COL6A5: variants seen among roughly 807,000 people sequenced by gnomAD.
COL6A5 encodes the protein collagen type VI alpha 5 chain, also known as collagen alpha-5(VI) chain.
Under a neutral mutation model 65.6 loss-of-function variants are expected in COL6A5, and 48 were observed. The ratio of observed to expected loss-of-function variants is 0.73; its 90% confidence interval spans 0.58 to 0.93. The LOEUF (loss-of-function observed/expected upper bound fraction) is 0.93. Ranked by LOEUF, COL6A5 falls within the 40% of genes least tolerant of loss-of-function variation. The pLI, the probability that COL6A5 is intolerant of heterozygous loss-of-function variation, is 0.00. For missense variants in COL6A5, 914 were observed against 928.3 expected, an observed-to-expected ratio of 0.98 and a Z score of 0.20; for synonymous variants, 291 against 322.8, an observed-to-expected ratio of 0.90 and a Z score of 1.05.
chr3:130,474,347 G>A (rs951103547), intron 7 of COL6A5, among the ~76,000 whole-genome samples: 1 of 152,018 alleles, frequency 6.6e-6, no homozygotes, highest in African/African-American at 2.4e-5. Flanking sequence ...ATTCTACAGA[G>A]AATCATAACA....
chr3:130,393,546 C>T (rs754414088), intron 7 of COL6A5, among the ~76,000 whole-genome samples: 2 of 152,166 alleles, frequency 1.3e-5, no homozygotes, highest in East Asian at 1.9e-4. Context: ...ACAGTCTTTT[C>T]CTATGAATGT....
In COL6A5 at chr3:130,471,665, C is replaced by T. The variant is rs1709955273; in HGVS notation, c.2328+698C>T. 1.3e-6 allele frequency: 2 copies of T among 1,530,936 alleles called. No homozygotes were observed. The highest frequency in any genetic ancestry group is 1.7e-6 in the Non-Finnish European group (2 of 1,144,320). 94.8% of individuals were successfully genotyped at this position (1,530,936 alleles called of 1,614,324 possible). On this transcript the variant is annotated intron_variant, in intron 7 of 7. Coordinates refer to ENST00000512836, the Ensembl canonical transcript of COL6A5. ...CTTGGCTAACTAATTTTTTATCTCT[C>T]TTCTCTATTACCTCAGACTTCTTCC...
rs567854245 is a variant in COL6A5, at chr3:130,459,758, T to C, written c.1544+4092T>C. Among the ~76,000 whole-genome samples the C allele has an allele frequency of 2.0e-5, 3 of 152,152 alleles. No individual in the cohort carries two copies. In the South Asian group the frequency reaches 6.2e-4, roughly 32 times the overall value. ...TTTACAAATGATAAAAGTACTATTA[T>C]ACCACATAAAAATTCAAATACCAAG... On this transcript the variant is annotated intron_variant, in intron 5 of 7. Transcript: ENST00000512836.
chr3:130,384,996 A>T, exon 5 of COL6A5: 1 of 1,550,798 alleles, frequency 6.4e-7, no homozygotes, highest in Non-Finnish European at 8.7e-7. Flanking sequence ...TATATCACTG[A>T]CTATTCTAAT....
intron 20 of COL6A5, 89 bp from the exon 21 acceptor site, chr3:130,413,456 T>A: frequency 1.7e-6 from 2 of 1,211,260 alleles, no homozygotes; most frequent in Non-Finnish European, 2.4e-6. Context: ...ATTACTTATG[T>A]CTAGCAGAGA....
At chr3:130,468,287 C>G (rs1265300342) in intron 5 of COL6A5, among the ~76,000 whole-genome samples, 1 of 151,964 alleles carries the variant, frequency 6.6e-6, no homozygotes. Flanking sequence ...ATTCCAAAAT[C>G]AGCACTTGTT....
intron 2 of COL6A5, among the ~76,000 whole-genome samples, chr3:130,375,665 T>C (rs546266631): frequency 6.6e-6 from 1 of 152,228 alleles, no homozygotes; most frequent in African/African-American, 2.4e-5. Flanking sequence ...GAGGTTTAAT[T>C]GACTCAGTTC....
chr3:130,431,688 G>A (rs1937817615), exon 1 of COL6A5: 1 of 1,551,600 alleles, frequency 6.4e-7, no homozygotes, highest in Non-Finnish European at 8.7e-7. Context: ...GGAAGAAGCA[G>A]CTCCTCCAGC....
intron 6 of COL6A5, 75 bp downstream of exon 6, chr3:130,389,209 C>T: frequency 9.6e-7 from 1 of 1,041,768 alleles, no homozygotes; most frequent in Non-Finnish European, 1.3e-6. Context: ...GTGAATGGCA[C>T]TCTGGCCCTG....
chr3:130,480,019 A>T (rs910980938), intron 7 of COL6A5, among the ~76,000 whole-genome samples: 1 of 152,052 alleles, frequency 6.6e-6, no homozygotes, highest in Non-Finnish European at 1.5e-5. Context: ...TTCAGAAAAA[A>T]GTCAAATAAT....
At chr3:130,395,030 G>A (rs1936545177) in exon 8 of COL6A5, 1 of 1,551,478 alleles carries the variant, frequency 6.4e-7, no homozygotes, top group African/African-American at 1.4e-5. Context: ...AATGAAAATT[G>A]GTATGGCTCA....
chr3:130,368,143 G>A (rs1040928434), intron 1 of COL6A5, among the ~76,000 whole-genome samples: 2 of 152,200 alleles, frequency 1.3e-5, no homozygotes, highest in Admixed American at 1.3e-4. Flanking sequence ...GGTTTACACA[G>A]CCTCTCCTGC....
chr3:130,386,228 C>T (rs1936181942), intron 5 of COL6A5, among the ~76,000 whole-genome samples: 1 of 151,980 alleles, frequency 6.6e-6, no homozygotes, highest in African/African-American at 2.4e-5. Flanking sequence ...ACTGATTAGC[C>T]ACGACCTTGA....
At chr3:130,392,271 G>A (rs1261776576) in intron 7 of COL6A5, among the ~76,000 whole-genome samples, 2 of 152,162 alleles carry the variant, frequency 1.3e-5, no homozygotes, top group Non-Finnish European at 2.9e-5. Context: ...CTGGGTAAGC[G>A]CCACCTGTGC....
At chr3:130,436,808 A>G (rs1709045630) in intron 1 of COL6A5, among the ~76,000 whole-genome samples, 1 of 152,004 alleles carries the variant, frequency 6.6e-6, no homozygotes, top group African/African-American at 2.4e-5. Flanking sequence ...GAATGTCGGT[A>G]TTGCCCAAAG....
At chr3:130,364,159 A>G (rs548567789) in intron 1 of COL6A5, among the ~76,000 whole-genome samples, 1 of 152,306 alleles carries the variant, frequency 6.6e-6, no homozygotes, top group East Asian at 1.9e-4. Context: ...GCCACATATT[A>G]TATTTGTGAT....
At chr3:130,483,661 G>T (rs955666247) in intron 7 of COL6A5, among the ~76,000 whole-genome samples, 2 of 152,166 alleles carry the variant, frequency 1.3e-5, no homozygotes, top group African/African-American at 4.8e-5. Flanking sequence ...GAAAACGAAA[G>T]AATATTGTCC....
intron 23 of COL6A5, 74 bp downstream of exon 23, chr3:130,415,781 A>T: frequency 1.6e-6 from 2 of 1,272,004 alleles, no homozygotes; most frequent in Non-Finnish European, 2.1e-6. Context: ...AAATCTTCAC[A>T]TATAATTTTT....
At chr3:130,352,129 G>T (rs754581798) in intron 1 of COL6A5, among the ~76,000 whole-genome samples, 1 of 152,134 alleles carries the variant, frequency 6.6e-6, no homozygotes, top group Non-Finnish European at 1.5e-5. Context: ...GATACAGGGC[G>T]GGGAACATCA....
Sources: gnomAD v4.1 joint callset for allele counts (sites outside exome capture counted in the v4.1 genomes callset) on GRCh38, gnomAD v4.1.1 for gene constraint, MANE v1.5 for transcripts, NCBI Gene and HGNC (gene_info 2026-07-23, HGNC 2026-07-21) for gene names.